The following GPBP1L1 variants were observed in gnomAD, a reference collection of about 807,000 sequenced individuals.
GPBP1L1 encodes GC-rich promoter binding protein 1 like 1.
GPBP1L1 carries 23 observed loss-of-function variants against 52.5 expected under a neutral mutation model. The observed-to-expected ratio is 0.44, with a 90% CI of 0.32 to 0.62. The LOEUF is 0.62. Among genes scored for constraint, GPBP1L1 ranks in the 20% least tolerant of loss-of-function variants. The pLI is 0.06. For missense variants in GPBP1L1, 596 were observed against 579.3 expected (o/e 1.03, Z -0.30); for synonymous variants, 243 against 203.1 (o/e 1.20, Z -1.67).
At chr1:45,675,480 G>A (rs138905977) in intron 2 of GPBP1L1, among the ~76,000 whole-genome samples, 1 of 152,114 alleles carries the variant, frequency 6.6e-6, no homozygotes, top group African/African-American at 2.4e-5. Flanking sequence ...TATTTAGTGG[G>A]TGCCCAATAA....
chr1:45,648,291 T>C (rs1261547549), intron 6 of GPBP1L1, among the ~76,000 whole-genome samples: 1 of 152,192 alleles, frequency 6.6e-6, no homozygotes, highest in African/African-American at 2.4e-5. Flanking sequence ...TACTAGTCAA[T>C]CCTTCATTAC....
chr1:45,633,206 A>G (rs1644552175), intron 10 of GPBP1L1, among the ~76,000 whole-genome samples: 1 of 152,202 alleles, frequency 6.6e-6, no homozygotes, highest in African/African-American at 2.4e-5. Flanking sequence ...AAACCTGCAC[A>G]TGGATGTTTA....
chr1:45,685,369 T>A (rs1267428809), intron 2 of GPBP1L1, among the ~76,000 whole-genome samples: 2 of 152,192 alleles, frequency 1.3e-5, no homozygotes, highest in Non-Finnish European at 2.9e-5. Context: ...CCACTATTAT[T>A]AACTGTATTT....
Position 45,628,339 on chromosome 1 carries a change from T to C in GPBP1L1, c.1342A>G (p.Arg448Gly). The C allele has an allele frequency of 6.2e-7, 1 of 1,614,168 alleles. No homozygotes were observed. The highest frequency in any genetic ancestry group is 8.5e-7 in the Non-Finnish European group (1 of 1,180,040). The change falls in exon 13 of 13, where the codon AGA (arginine) becomes GGA (glycine). Residue 448 changes from arginine to glycine, a missense_variant. By Grantham distance (125) the Arg-to-Gly change is moderately radical. Coordinates refer to ENST00000355105, the MANE Select transcript of GPBP1L1 (RefSeq NM_021639.5). Reference sequence around the variant, plus strand: ...TCAAACTCTGCTTTGCAAGTGCTTCTCCAAGGGGAGAACAGACTGGAACTG... The same window carrying C: ...TCAAACTCTGCTTTGCAAGTGCTTCCCCAAGGGGAGAACAGACTGGAACTG... ...SRSSSLFSPW[R>G]STCKAEFEDS...
chr1:45,672,557 C>T (rs1420484055), intron 2 of GPBP1L1, among the ~76,000 whole-genome samples: 1 of 152,066 alleles, frequency 6.6e-6, no homozygotes, highest in Non-Finnish European at 1.5e-5. Context: ...TTTTAGGTGC[C>T]TACCAGACAT....
At chr1:45,687,063 T>TAAAG (rs1645299313), upstream of GPBP1L1, 1 of 152,268 alleles carries the variant, frequency 6.6e-6, no homozygotes, top group Non-Finnish European at 1.5e-5. Context: ...TTCCGCTCCT[T>TAAAG]ACTTCTCGTG....
chr1:45,660,663 C>T lies in GPBP1L1; in HGVS notation c.-535G>A. The T allele has an allele frequency of 1.7e-6, 1 of 575,920 alleles. No homozygotes were observed. The highest frequency in any genetic ancestry group is 2.2e-6 in the Non-Finnish European group (1 of 456,002). The allele number at this position is 575,920 out of a possible 1,614,324, so 35.7% of individuals were successfully genotyped here. ...AGGTAATAGATCAAAAATATTAAAG[C>T]CCTATAAAAGATCTGAGCAGTCAAC... On this transcript the variant is annotated 5_prime_UTR_variant, in exon 3 of 13. Transcript: ENST00000355105.
At chr1:45,671,207 G>A (rs1186554562) in intron 2 of GPBP1L1, among the ~76,000 whole-genome samples, 1 of 131,438 alleles carries the variant, frequency 7.6e-6, no homozygotes. Context: ...TTGGCTCTCT[G>A]GCTTTTTTTT....
At chr1:45,645,125 CTTT>C (rs1166403347) in intron 6 of GPBP1L1, among the ~76,000 whole-genome samples, 2 of 152,114 alleles carry the variant, frequency 1.3e-5, no homozygotes, top group Non-Finnish European at 2.9e-5. Flanking sequence ...TTCTTTACTT[CTTT>C]GTTATCTAGT....
intron 12 of GPBP1L1, among the ~76,000 whole-genome samples, chr1:45,629,139 G>A (rs192009880): frequency 6.6e-4 from 101 of 152,276 alleles, no homozygotes; most frequent in African/African-American, 2.3e-3. Flanking sequence ...TTTATTCAGA[G>A]AAAGAATCCA....
At chr1:45,649,910 T>C (rs1425189446) in intron 6 of GPBP1L1, among the ~76,000 whole-genome samples, 1 of 152,174 alleles carries the variant, frequency 6.6e-6, no homozygotes, top group African/African-American at 2.4e-5. Context: ...GAATTTCATA[T>C]ATAGTTTTTC....
intron 6 of GPBP1L1, among the ~76,000 whole-genome samples, chr1:45,649,257 A>T (rs947884269): frequency 6.6e-6 from 1 of 152,186 alleles, no homozygotes; most frequent in Non-Finnish European, 1.5e-5. Context: ...CCTTAAAAGG[A>T]TATCTTTTAC....
At chr1:45,667,723 C>T (rs1256148208) in intron 2 of GPBP1L1, among the ~76,000 whole-genome samples, 2 of 152,176 alleles carry the variant, frequency 1.3e-5, no homozygotes, top group African/African-American at 4.8e-5. Context: ...GAGCCTGTAT[C>T]TTGCTCCAGG....
intron 2 of GPBP1L1, among the ~76,000 whole-genome samples, chr1:45,670,985 G>A (rs1645067562): frequency 6.6e-6 from 1 of 151,536 alleles, no homozygotes; most frequent in Non-Finnish European, 1.5e-5. Context: ...CTAGAGACGG[G>A]GTTTCACTGT....
chr1:45,672,610 G>A (rs1645087444), intron 2 of GPBP1L1, among the ~76,000 whole-genome samples: 1 of 152,150 alleles, frequency 6.6e-6, no homozygotes, highest in African/African-American at 2.4e-5. Flanking sequence ...AGAGTCTGCA[G>A]TTCATGACAG....
At chr1:45,668,290 G>C (rs1024909140) in intron 2 of GPBP1L1, among the ~76,000 whole-genome samples, 1 of 152,146 alleles carries the variant, frequency 6.6e-6, no homozygotes, top group African/African-American at 2.4e-5. Context: ...TATATTTATA[G>C]TATTCAAAAT....
rs117812187 is a variant in GPBP1L1 at position 45,642,185 on chromosome 1, G to A, written c.550+242C>T. On this transcript the variant is annotated intron_variant, in intron 7 of 12. Coordinates refer to ENST00000355105, the MANE Select transcript of GPBP1L1 (RefSeq NM_021639.5). ...CCAAAACAACTGCTTCCAAATTCAC[G>A]GTTCTATAAGTTCTCAGTTGTCTGT... is the stretch of plus-strand genomic sequence containing the variant. Among the ~76,000 whole-genome samples the A allele has an allele frequency of 3.0e-4, 46 of 152,176 alleles. No homozygotes were observed. The East Asian group carries it at 7.9e-3, about 26-fold the overall frequency.
intron 2 of GPBP1L1, among the ~76,000 whole-genome samples, chr1:45,683,311 T>C (rs1645234919): frequency 7.0e-6 from 1 of 142,446 alleles, no homozygotes; most frequent in Admixed American, 7.3e-5. Flanking sequence ...ATTCATGCCA[T>C]TCTCCAGCCT....
At chr1:45,675,822 T>A (rs987012846) in intron 2 of GPBP1L1, among the ~76,000 whole-genome samples, 2 of 152,214 alleles carry the variant, frequency 1.3e-5, no homozygotes, top group Non-Finnish European at 2.9e-5. Context: ...ATTACAGGCA[T>A]GAGCCACTGT....
Sources: allele counts gnomAD v4.1 joint callset (sites outside exome capture counted in the v4.1 genomes callset), GRCh38; gene constraint gnomAD v4.1.1; transcripts MANE v1.5; gene names NCBI Gene and HGNC (gene_info 2026-07-23, HGNC 2026-07-21).